The following LIMA1 variants were observed in gnomAD, a reference collection of about 807,000 sequenced individuals.
LIMA1 encodes the protein LIM domain and actin-binding protein 1.
A neutral mutation model predicts 62.6 loss-of-function variants in LIMA1; 52 were observed. The observed-to-expected ratio is 0.83, with a 90% CI of 0.67 to 1.05. The LOEUF is 1.05. LIMA1 is among the 50% of genes least tolerant of loss of function. The pLI, the probability that LIMA1 is intolerant of heterozygous loss-of-function variation, is 0.00. For missense variants in LIMA1, 780 were observed against 902.2 expected (o/e 0.86, Z 1.74); for synonymous variants, 302 against 317.8 (o/e 0.95, Z 0.53).
At chr12:50,212,437 T>A (rs1941274221) in intron 4 of LIMA1, among the ~76,000 whole-genome samples, 1 of 152,128 alleles carries the variant, frequency 6.6e-6, no homozygotes, top group Admixed American at 6.6e-5. Flanking sequence ...TTTATTAAAG[T>A]ATTGAGAGAA....
At position 50,204,840 on chromosome 12, in the gene LIMA1, C is replaced by T. The variant is rs1941122964; in HGVS notation, c.716-140G>A. On this transcript the variant is annotated intron_variant, in intron 5 of 10. Coordinates refer to ENST00000341247, the MANE Select transcript of LIMA1 (RefSeq NM_016357.5). ...GCTCAAGATATCCTCCCGCCTCAGC[C>T]TCCCAAAGCGCTGGAATTATAGGTG... is the stretch of plus-strand genomic sequence containing the variant. 2.0e-5 allele frequency: 14 copies of T among 714,100 alleles called. No individual in the cohort carries two copies. The East Asian group carries it at 3.2e-4, about 16-fold the overall frequency. The allele number at this position is 714,100 out of a possible 1,614,324, so 44.2% of individuals were successfully genotyped here.
chr12:50,245,144 G>C (rs1296255733), intron 2 of LIMA1, among the ~76,000 whole-genome samples: 1 of 152,122 alleles, frequency 6.6e-6, no homozygotes, highest in East Asian at 1.9e-4. Flanking sequence ...GTTGGGCACA[G>C]TGGTTCACAC....
chr12:50,281,855 C>T (rs919292826), intron 1 of LIMA1, among the ~76,000 whole-genome samples: 8 of 152,194 alleles, frequency 5.3e-5, no homozygotes, highest in African/African-American at 1.7e-4. Context: ...TATGCTCCTA[C>T]AGTACCCTGG....
intron 2 of LIMA1, among the ~76,000 whole-genome samples, chr12:50,242,415 G>C (rs1036912146): frequency 1.3e-5 from 2 of 151,726 alleles, no homozygotes; most frequent in African/African-American, 2.4e-5. Context: ...GAAGGCAGTG[G>C]TGCAATCATA....
At chr12:50,276,093 C>T (rs985381512) in intron 1 of LIMA1, among the ~76,000 whole-genome samples, 7 of 151,274 alleles carry the variant, frequency 4.6e-5, no homozygotes, top group Non-Finnish European at 5.9e-5. Context: ...TTTATGACAA[C>T]TCTGATAACT....
chr12:50,197,674 C>T (rs76412068), intron 7 of LIMA1, among the ~76,000 whole-genome samples: 1,924 of 152,160 alleles, frequency 0.013, 48 homozygotes, highest in African/African-American at 0.042. Flanking sequence ...AAGACAATGA[C>T]GAAGGAAACA....
chr12:50,194,069 C>T (rs1940871671), intron 8 of LIMA1, among the ~76,000 whole-genome samples: 1 of 151,308 alleles, frequency 6.6e-6, no homozygotes, highest in South Asian at 2.1e-4. Context: ...CTCACTGCAG[C>T]CTCCACCTCC....
At chr12:50,185,029 A>C (rs563314633) in intron 9 of LIMA1, among the ~76,000 whole-genome samples, 6 of 152,084 alleles carry the variant, frequency 3.9e-5, no homozygotes, top group Admixed American at 3.9e-4. Flanking sequence ...ATGGGGTTTC[A>C]CCATGTTGGT....
chr12:50,236,745 C>T (rs1228852419), intron 2 of LIMA1, among the ~76,000 whole-genome samples: 1 of 152,048 alleles, frequency 6.6e-6, no homozygotes, highest in African/African-American at 2.4e-5. Context: ...CACACACACA[C>T]ACACACACAC....
In LIMA1 at chr12:50,248,620, G is replaced by C. The variant is rs1408339107; in HGVS notation, c.119+13C>G. Reference sequence around the variant, plus strand: ...CAGACAGATGGTCCTTTTGGACCAGGATCAGCACTTACTTGGAGAATATTT... The same window carrying C: ...CAGACAGATGGTCCTTTTGGACCAGCATCAGCACTTACTTGGAGAATATTT... On this transcript the variant is annotated intron_variant, in intron 2 of 10. Coordinates refer to ENST00000341247, the MANE Select transcript of LIMA1 (RefSeq NM_016357.5). 1 of 1,516,188 alleles carries C rather than the reference G, an allele frequency of 6.6e-7. No individual in the cohort carries two copies. Among genetic ancestry groups the C allele is most frequent in the Non-Finnish European group, 9.2e-7 (1 of 1,090,928 alleles). The allele number at this position is 1,516,188 out of a possible 1,614,324, so 93.9% of individuals were successfully genotyped here.
chr12:50,177,491 A>T lies in LIMA1; in HGVS notation c.1853T>A (p.Met618Lys), dbSNP rs1485913914. Reference sequence around the variant, plus strand: ...CACAGACTCTTCACTCTGCTCTGACATGCTCCAGCCTTTCCTGATAGGTGG... The same window carrying T: ...CACAGACTCTTCACTCTGCTCTGACTTGCTCCAGCCTTTCCTGATAGGTGG... The part of the protein sequence containing the change: ...VSPPIRKGWS[M>K]SEQSEESVGG... Residue 618 changes from methionine (M) to lysine (K), a missense_variant, in exon 11 of 11, where the codon ATG becomes AAG. By Grantham distance (95) the Met-to-Lys change is moderately conservative. Coordinates refer to ENST00000341247, the MANE Select transcript of LIMA1 (RefSeq NM_016357.5). 1 of 1,613,674 alleles carries T rather than the reference A, an allele frequency of 6.2e-7. No individual in the cohort carries two copies. The highest frequency in any genetic ancestry group is 2.2e-5 in the East Asian group (1 of 44,890).
chr12:50,282,541 T>A lies in LIMA1; in HGVS notation c.-24+879A>T, dbSNP rs76763594. On this transcript the variant is annotated intron_variant, in intron 1 of 10. Coordinates refer to ENST00000341247, the MANE Select transcript of LIMA1 (RefSeq NM_016357.5). ...TTTATTTTTATTTATTTATTTATTT[T>A]TTTGTAGAGACAAGGGTCTCGCTAA... Among the ~76,000 whole-genome samples the A allele has an allele frequency of 9.7e-4, 148 of 152,314 alleles. 3 individuals carry two copies. In the East Asian group the frequency reaches 0.02, roughly 21 times the overall value.
chr12:50,222,051 C>T lies in LIMA1; in HGVS notation c.600G>A (p.Met200Ile). ...YNVPLNRLKM[M>I]FEKGEPTQTK... is the part of the protein sequence containing the mutation. ...TTTGAGTTGGTTCACCTTTCTCAAA[C>T]ATCATCTTAAGCCTGTTCAGCGGAA... Residue 200 changes from methionine (M) to isoleucine (I), a missense_variant, in exon 4 of 11, where the codon ATG becomes ATA. Coordinates refer to ENST00000341247, the MANE Select transcript of LIMA1 (RefSeq NM_016357.5). 1 of 1,612,066 alleles carries T rather than the reference C, an allele frequency of 6.2e-7. No individual in the cohort carries two copies. The highest frequency in any genetic ancestry group is 2.2e-5 in the East Asian group (1 of 44,884).
intron 1 of LIMA1, among the ~76,000 whole-genome samples, chr12:50,260,161 T>C (rs1306054383): frequency 2.0e-5 from 3 of 151,904 alleles, no homozygotes; most frequent in Non-Finnish European, 2.9e-5. Flanking sequence ...TTTTTTTTTT[T>C]TTTTAGACAG....
At chr12:50,184,977 G>A (rs1473634506) in intron 9 of LIMA1, among the ~76,000 whole-genome samples, 7 of 152,054 alleles carry the variant, frequency 4.6e-5, no homozygotes, top group Non-Finnish European at 8.8e-5. Flanking sequence ...GATTACAGGC[G>A]TGCACCACCA....
intron 3 of LIMA1, among the ~76,000 whole-genome samples, chr12:50,226,950 C>T (rs1941539398): frequency 1.3e-5 from 2 of 149,556 alleles, no homozygotes; most frequent in Admixed American, 6.6e-5. Flanking sequence ...CTCTGTCCCT[C>T]CCTTATATGG....
intron 4 of LIMA1, among the ~76,000 whole-genome samples, chr12:50,214,439 T>C (rs1365082990): frequency 1.3e-5 from 2 of 152,262 alleles, no homozygotes; most frequent in Admixed American, 1.3e-4. Context: ...GAGATGACTG[T>C]ATAGACTCCA....
chr12:50,231,700 C>G lies in LIMA1; in HGVS notation c.130G>C (p.Ala44Pro), dbSNP rs1941613513. The G allele has an allele frequency of 6.2e-7, 1 of 1,613,544 alleles. No homozygotes were observed. Among genetic ancestry groups the G allele is most frequent in the Non-Finnish European group, 8.5e-7 (1 of 1,179,534 alleles). ...IVEIFSKYQK[A>P]AEETNMEKKR... ...TTCTCCATGTTTGTTTCTTCAGCTG[C>G]TTTCTGGTACCTTCAGAGAAGGGAA... The change falls in exon 3 of 11, where the codon GCA becomes CCA. Residue 44 changes from alanine to proline, a missense_variant. Coordinates refer to ENST00000341247, the MANE Select transcript of LIMA1 (RefSeq NM_016357.5).
chr12:50,196,079 T>G (rs1480577326), intron 7 of LIMA1, 192 bp from the exon 8 acceptor site: 10 of 524,498 alleles, frequency 1.9e-5, no homozygotes. Flanking sequence ...TATGAGGATA[T>G]TAACATGCCT....
Sources: gnomAD v4.1 joint callset for allele counts (sites outside exome capture counted in the v4.1 genomes callset) on GRCh38, gnomAD v4.1.1 for gene constraint, MANE v1.5 for transcripts, NCBI Gene and HGNC (gene_info 2026-07-23, HGNC 2026-07-21) for gene names.